The following COMMD10 variants were observed in gnomAD, a reference collection of about 807,000 sequenced individuals.
The protein encoded by COMMD10 is COMM domain containing 10, also known as COMM domain-containing protein 10.
COMMD10 carries 33 observed loss-of-function variants against 28.9 expected under a neutral mutation model. That is an observed-to-expected ratio of 1.14 (90% CI 0.87 to 1.53). The LOEUF (loss-of-function observed/expected upper bound fraction) is 1.53, where lower values mean the gene tolerates loss of function less well. COMMD10 is among the 40% of genes most tolerant of loss of function. The probability of loss-of-function intolerance (pLI) is 0.00; values close to 1 mark genes in which losing one functional copy is unlikely to be tolerated. For synonymous variants in COMMD10, 110 were observed against 81.7 expected (o/e 1.35, Z -1.87); for missense variants, 310 against 233.4 (o/e 1.33, Z -2.14).
chr5:116,244,167 T>C (rs1054157127), intron 5 of COMMD10, among the ~76,000 whole-genome samples: 46 of 120,414 alleles, frequency 3.8e-4, no homozygotes, highest in Admixed American at 3.8e-4. Context: ...AAAGAAAATA[T>C]AGGTTGAGGT....
At chr5:116,270,361 G>A (rs1423599856) in intron 5 of COMMD10, among the ~76,000 whole-genome samples, 1 of 151,896 alleles carries the variant, frequency 6.6e-6, no homozygotes, top group Non-Finnish European at 1.5e-5. Context: ...ACTGGGACCA[G>A]TTTATAGAAA....
At chr5:116,243,502 AC>A (rs1214799348) in intron 5 of COMMD10, among the ~76,000 whole-genome samples, 1 of 152,172 alleles carries the variant, frequency 6.6e-6, no homozygotes, top group East Asian at 1.9e-4. Flanking sequence ...CACTATGGAG[AC>A]TTTGGAGAAT....
chr5:116,131,094 A>G (rs1751847417), intron 4 of COMMD10, among the ~76,000 whole-genome samples: 1 of 151,894 alleles, frequency 6.6e-6, no homozygotes, highest in African/African-American at 2.4e-5. Context: ...AGAAATTGGG[A>G]AAGGAGGTGC....
chr5:116,198,803 T>C (rs1748592012), intron 5 of COMMD10, among the ~76,000 whole-genome samples: 1 of 152,192 alleles, frequency 6.6e-6, no homozygotes, highest in Non-Finnish European at 1.5e-5. Flanking sequence ...CATTTATTTT[T>C]AGTACTAAAT....
chr5:116,148,567 C>A (rs528262849), intron 5 of COMMD10, among the ~76,000 whole-genome samples: 1 of 151,818 alleles, frequency 6.6e-6, no homozygotes, highest in African/African-American at 2.4e-5. Flanking sequence ...GGTACAACTT[C>A]ATTTATGGAA....
At chr5:116,202,814 A>C (rs1316155522) in intron 5 of COMMD10, among the ~76,000 whole-genome samples, 3 of 151,444 alleles carry the variant, frequency 2.0e-5, no homozygotes, top group African/African-American at 2.4e-5. Context: ...AGGTTGCGAA[A>C]ATTTTCTCCC....
intron 5 of COMMD10, among the ~76,000 whole-genome samples, chr5:116,275,682 A>G (rs753302656): frequency 2.6e-4 from 39 of 151,746 alleles, no homozygotes; most frequent in Non-Finnish European, 4.0e-4. Context: ...AAAGCACCAG[A>G]ACATATCTGA....
intron 5 of COMMD10, among the ~76,000 whole-genome samples, chr5:116,221,770 A>G (rs75080838): frequency 0.065 from 9,836 of 152,240 alleles, 427 homozygotes; most frequent in Admixed American, 0.12. Flanking sequence ...TCTAGCCACC[A>G]TTCTTTATTT....
At position 116,100,207 on chromosome 5, in the gene COMMD10, G is replaced by C. The variant is rs184726652; in HGVS notation, c.399+7507G>C. On this transcript the variant is annotated intron_variant, in intron 4 of 6. Transcript: ENST00000274458. ...TTTTAGATTTTGGATTTTTGGATTA[G>C]GGATGCCGAACCTCTGTTTTCTCAC... 3.0e-4 allele frequency among the ~76,000 whole-genome samples: 45 copies of C among 152,160 alleles called. 2 individuals carry two copies. The East Asian group carries it at 6.2e-3, about 21-fold the overall frequency.
intron 5 of COMMD10, among the ~76,000 whole-genome samples, chr5:116,227,240 A>T (rs1749415807): frequency 6.6e-6 from 1 of 152,072 alleles, no homozygotes; most frequent in African/African-American, 2.4e-5. Flanking sequence ...CCTTGAAATA[A>T]GGGCCTTGTT....
intron 5 of COMMD10, among the ~76,000 whole-genome samples, chr5:116,150,989 G>T (rs919039720): frequency 1.3e-5 from 2 of 151,776 alleles, no homozygotes; most frequent in Non-Finnish European, 2.9e-5. Flanking sequence ...GATATTGGCT[G>T]TGGGTTTGTC....
At chr5:116,282,775 A>C (rs1004397618) in intron 5 of COMMD10, among the ~76,000 whole-genome samples, 3 of 151,778 alleles carry the variant, frequency 2.0e-5, no homozygotes, top group African/African-American at 7.3e-5. Flanking sequence ...ATTCATTTGG[A>C]TTAGGGGCCA....
chr5:116,289,502 T>G (rs1447511484), intron 5 of COMMD10, among the ~76,000 whole-genome samples: 1 of 151,892 alleles, frequency 6.6e-6, no homozygotes, highest in Non-Finnish European at 1.5e-5. Context: ...AGCTCTAATA[T>G]GCCTCTCACC....
At chr5:116,264,537 G>A (rs7718868) in intron 5 of COMMD10, among the ~76,000 whole-genome samples, 64 of 151,850 alleles carry the variant, frequency 4.2e-4, no homozygotes, top group African/African-American at 1.4e-3. Flanking sequence ...GATGATGCGA[G>A]CGCATTAACT....
intron 5 of COMMD10, among the ~76,000 whole-genome samples, chr5:116,282,036 A>G (rs944473072): frequency 2.6e-5 from 4 of 151,838 alleles, no homozygotes; most frequent in African/African-American, 9.7e-5. Flanking sequence ...CTCCAGACAT[A>G]TATTGTCAAG....
At chr5:116,206,115 AG>A (rs1748807509) in intron 5 of COMMD10, among the ~76,000 whole-genome samples, 1 of 152,202 alleles carries the variant, frequency 6.6e-6, no homozygotes, top group African/African-American at 2.4e-5. Context: ...TCAGAACATC[AG>A]CTCCCAAGGA....
rs2078075 is a variant in COMMD10, at chr5:116,266,094, G to T, written c.511-25423G>T. Among the ~76,000 whole-genome samples the T allele has an allele frequency of 1.2e-3, 176 of 151,742 alleles. 1 individual carries two copies. Among genetic ancestry groups the T allele is most frequent in the Admixed American group, 4.1e-3 (62 of 15,228 alleles). ...AGTGTTTTAGCTGACCCTTAAAAAA[G>T]CGGCAGGATTTTGTCAAGTGAAGTT... is the stretch of plus-strand genomic sequence containing the variant. On this transcript the variant is annotated intron_variant, in intron 5 of 6. Transcript: ENST00000274458.
rs35368697 is a variant in COMMD10 at position 116,194,397 on chromosome 5, A to T, written c.510+60219A>T. ...AACAAAAAGCTGATTCTTTGAAAAG[A>T]TAAAAAAATTGATAGACCATTAGCA... On this transcript the variant is annotated intron_variant, in intron 5 of 6. Transcript: ENST00000274458. 5.9e-3 allele frequency among the ~76,000 whole-genome samples: 904 copies of T among 152,292 alleles called. 2 individuals are homozygous for T. Among genetic ancestry groups the T allele is most frequent in the Non-Finnish European group, 9.2e-3 (624 of 67,992 alleles).
At chr5:116,130,861 CATA>C (rs1459255890) in intron 4 of COMMD10, among the ~76,000 whole-genome samples, 1 of 151,824 alleles carries the variant, frequency 6.6e-6, no homozygotes, top group African/African-American at 2.4e-5. Context: ...CTAAAATGAA[CATA>C]ATAAGTATAA....
Sources: gnomAD v4.1 joint callset for allele counts (sites outside exome capture counted in the v4.1 genomes callset) on GRCh38, gnomAD v4.1.1 for gene constraint, MANE v1.5 for transcripts, NCBI Gene and HGNC (gene_info 2026-07-23, HGNC 2026-07-21) for gene names.